Variants in EPS8 observed in about 807,000 individuals in gnomAD.
EPS8 encodes EGFR pathway substrate 8, signaling adaptor.
EPS8 carries 42 observed loss-of-function variants against 103.8 expected under a neutral mutation model. That is an observed-to-expected ratio of 0.40 (90% CI 0.32 to 0.52). EPS8 has a LOEUF of 0.52. Ranked by LOEUF, EPS8 falls within the 20% of genes least tolerant of loss-of-function variation. The probability of loss-of-function intolerance (pLI) is 0.40; values close to 1 mark genes in which losing one functional copy is unlikely to be tolerated. For missense variants in EPS8, 969 were observed against 1,005.1 expected (o/e 0.96, Z 0.49); for synonymous variants, 344 against 344.6 (o/e 1.00, Z 0.02).
At position 15,713,154 on chromosome 12, in the gene EPS8, T is replaced by C. The variant is rs189533097; in HGVS notation, c.-21-30182A>G. The C allele has an allele frequency of 2.0e-4, 42 of 209,040 alleles. No individual in the cohort carries two copies. Among genetic ancestry groups the C allele is most frequent in the Middle Eastern group, 2.5e-3 (1 of 398 alleles). The allele number at this position is 209,040 out of a possible 1,614,324, so 12.9% of individuals were successfully genotyped here. ...ATGGTGAAAATAATACTGGCTAGCA[T>C]TGACTGAAAGCTTACTGTGTGGTCT... On this transcript the variant is annotated intron_variant, in intron 1 of 20. Transcript: ENST00000281172. This position sits in a 1 kb window ranked among gnomAD's most constrained non-coding sequence, Gnocchi z 4.8.
At chr12:15,641,330 T>C (rs1214239177) in intron 16 of EPS8, among the ~76,000 whole-genome samples, 1 of 151,320 alleles carries the variant, frequency 6.6e-6, no homozygotes, top group Non-Finnish European at 1.5e-5. Context: ...ATTAGCTCAA[T>C]GACTGCTGAG....
chr12:15,743,980 C>A (rs983440205), intron 1 of EPS8, among the ~76,000 whole-genome samples: 1 of 152,126 alleles, frequency 6.6e-6, no homozygotes, highest in Non-Finnish European at 1.5e-5. Context: ...AGGCAACCTA[C>A]AGTATGGGAG....
chr12:15,700,015 G>A lies in EPS8; in HGVS notation c.-21-17043C>T, dbSNP rs1001391644. Among the ~76,000 whole-genome samples, 12 of 152,242 alleles carry A rather than the reference G, an allele frequency of 7.9e-5. No individual in the cohort carries two copies. Among genetic ancestry groups the A allele is most frequent in the African/African-American group, 2.2e-4 (9 of 41,554 alleles). On this transcript the variant is annotated intron_variant, in intron 1 of 20. Transcript: ENST00000281172. The surrounding 1 kb of genome is among the most constrained non-coding windows in gnomAD (Gnocchi z 5.1). ...CTAAAAACACAAACATTAGCCGGAC[G>A]TGGTGCTACACAACGTGTAGTCGTA... is the stretch of plus-strand genomic sequence containing the variant.
At chr12:15,633,907 T>C (rs1288953931) in intron 17 of EPS8, among the ~76,000 whole-genome samples, 3 of 152,188 alleles carry the variant, frequency 2.0e-5, no homozygotes, top group African/African-American at 4.8e-5. Context: ...GTCACTTTTC[T>C]GTCTCCCTCC....
intron 17 of EPS8, among the ~76,000 whole-genome samples, chr12:15,635,273 T>A (rs1197449532): frequency 6.6e-6 from 1 of 152,154 alleles, no homozygotes; most frequent in Admixed American, 6.5e-5. Flanking sequence ...ACTTTATATA[T>A]GTATAAAAAC....
At chr12:15,662,326 G>T in intron 8 of EPS8, 1 of 1,272,480 alleles carries the variant, frequency 7.9e-7, no homozygotes, top group East Asian at 3.2e-5. Flanking sequence ...ACTTTATGAT[G>T]TTAATTTACC....
rs1946766946 is a variant in EPS8 at position 15,736,375 on chromosome 12, T to C, written c.-22+52786A>G. 6.6e-6 allele frequency among the ~76,000 whole-genome samples: 1 copy of C among 152,200 alleles called. No homozygotes were observed. Among genetic ancestry groups the C allele is most frequent in the Non-Finnish European group, 1.5e-5 (1 of 68,036 alleles). On this transcript the variant is annotated intron_variant, in intron 1 of 20. Transcript: ENST00000281172. The surrounding 1 kb of genome is among the most constrained non-coding windows in gnomAD (Gnocchi z 4.2). ...TACGGAAATACTGAAGAGAATTTCATTCTTCTGTACAGAGGTTAATATAAT... is the reference window on the plus strand; with the variant it reads ...TACGGAAATACTGAAGAGAATTTCACTCTTCTGTACAGAGGTTAATATAAT...
At chr12:15,710,722 A>T (rs1946450996) in intron 1 of EPS8, among the ~76,000 whole-genome samples, 1 of 152,186 alleles carries the variant, frequency 6.6e-6, no homozygotes, top group Admixed American at 6.5e-5. Flanking sequence ...ATACACAAAC[A>T]AACTCTAAAA....
intron 1 of EPS8, among the ~76,000 whole-genome samples, chr12:15,783,656 T>C (rs1947281881): frequency 6.8e-6 from 1 of 147,416 alleles, no homozygotes; most frequent in Non-Finnish European, 1.5e-5. Context: ...CTAAAAGAAC[T>C]GACAGATGTT....
intron 1 of EPS8, among the ~76,000 whole-genome samples, chr12:15,722,209 G>C (rs1210730469): frequency 6.7e-6 from 1 of 149,664 alleles, no homozygotes; most frequent in Non-Finnish European, 1.5e-5. Context: ...AAAAAAAAAC[G>C]CAAGAAAAAG....
chr12:15,660,528 T>C (rs1254703854), intron 10 of EPS8, 86 bp downstream of exon 10: 1 of 758,756 alleles, frequency 1.3e-6, no homozygotes, highest in Non-Finnish European at 2.4e-6. Context: ...CCTCCCAAAG[T>C]GCTGGGATTA....
At chr12:15,669,624 G>T (rs1355095262) in intron 5 of EPS8, 40 bp downstream of exon 5, 2 of 1,555,250 alleles carry the variant, frequency 1.3e-6, no homozygotes, top group Non-Finnish European at 1.7e-6. Flanking sequence ...TATTTGTGGA[G>T]TTTCTTGAAA....
At chr12:15,753,775 T>C (rs895174371) in intron 1 of EPS8, among the ~76,000 whole-genome samples, 4 of 152,224 alleles carry the variant, frequency 2.6e-5, no homozygotes, top group African/African-American at 9.6e-5. Context: ...TAAACTCGAA[T>C]ATGGTGTTAA....
chr12:15,627,975 T>TGCCC (rs906128716), intron 18 of EPS8, among the ~76,000 whole-genome samples: 1 of 151,884 alleles, frequency 6.6e-6, no homozygotes, highest in African/African-American at 2.4e-5. Context: ...AAGTGTTTGG[T>TGCCC]GCCCCTGGGA....
chr12:15,637,347 T>C (rs1945153858), intron 17 of EPS8, among the ~76,000 whole-genome samples: 1 of 152,252 alleles, frequency 6.6e-6, no homozygotes, highest in Admixed American at 6.5e-5. Context: ...ATAATCACTA[T>C]TCTCTAGAAC....
Position 15,734,518 on chromosome 12 carries a change from C to G in EPS8, c.-21-51546G>C, listed in dbSNP as rs981709616. Among the ~76,000 whole-genome samples, 4 of 151,990 alleles carry G rather than the reference C, an allele frequency of 2.6e-5. No homozygotes were observed. Among genetic ancestry groups the G allele is most frequent in the Non-Finnish European group, 4.4e-5 (3 of 68,004 alleles). ...GACCATCCTGGCTAACACGGTGAAA[C>G]CCCGTCTCTACTAAAAATACAAAGA... On this transcript the variant is annotated intron_variant, in intron 1 of 20. Coordinates refer to ENST00000281172, the MANE Select transcript of EPS8 (RefSeq NM_004447.6). This position sits in a 1 kb window ranked among gnomAD's most constrained non-coding sequence, Gnocchi z 4.1.
intron 14 of EPS8, 67 bp from the exon 15 acceptor site, chr12:15,647,327 C>T (rs1945337452): frequency 1.5e-6 from 2 of 1,378,248 alleles, no homozygotes. Flanking sequence ...TCAGGTCAGT[C>T]AACAAGATCT....
At chr12:15,629,937 C>G (rs1187439583) in intron 18 of EPS8, among the ~76,000 whole-genome samples, 1 of 152,084 alleles carries the variant, frequency 6.6e-6, no homozygotes, top group Non-Finnish European at 1.5e-5. Flanking sequence ...TAGTTTTGAA[C>G]ATAAATAGAA....
rs894201344 is a variant in EPS8 at position 15,751,315 on chromosome 12, G to A, written c.-22+37846C>T. 3.9e-5 allele frequency among the ~76,000 whole-genome samples: 6 copies of A among 152,174 alleles called. No individual in the cohort carries two copies. Among genetic ancestry groups the A allele is most frequent in the Admixed American group, 1.3e-4 (2 of 15,284 alleles). On this transcript the variant is annotated intron_variant, in intron 1 of 20. Coordinates refer to ENST00000281172, the MANE Select transcript of EPS8 (RefSeq NM_004447.6). This position sits in a 1 kb window ranked among gnomAD's most constrained non-coding sequence, Gnocchi z 4.3. ...AAAGGCTGCAGTGAGCTGAGATCAC[G>A]CCACTGCACTCCAGCCTGGGCGACA...
Sources: allele counts gnomAD v4.1 joint callset (sites outside exome capture counted in the v4.1 genomes callset), GRCh38; gene constraint gnomAD v4.1.1; non-coding constraint Gnocchi (gnomAD v3.1); transcripts MANE v1.5; gene names NCBI Gene and HGNC (gene_info 2026-07-23, HGNC 2026-07-21).